STIL: variants seen among roughly 807,000 people sequenced by gnomAD.
The protein encoded by STIL is SCL-interrupting locus protein.
In STIL, 55 loss-of-function variants were observed where a neutral mutation model predicts 110.1. The ratio of observed to expected loss-of-function variants is 0.50; its 90% CI spans 0.40 to 0.63. STIL has a LOEUF of 0.63. Ranked by LOEUF, STIL falls within the 20% of genes least tolerant of loss-of-function variation. The pLI is 0.00. For missense variants in STIL, 1,358 were observed against 1,530.0 expected, an observed-to-expected ratio of 0.89 and a Z score of 1.87; for synonymous variants, 481 against 530.0, an observed-to-expected ratio of 0.91 and a Z score of 1.27.
chr1:47,292,386 T>C (rs1645520262), intron 8 of STIL, among the ~76,000 whole-genome samples: 1 of 152,144 alleles, frequency 6.6e-6, no homozygotes, highest in Admixed American at 6.6e-5. Flanking sequence ...ACATACTCTT[T>C]GGCCTAGAAA....
At chr1:47,285,786 A>G (rs534309300) in intron 10 of STIL, among the ~76,000 whole-genome samples, 1 of 152,106 alleles carries the variant, frequency 6.6e-6, no homozygotes, top group African/African-American at 2.4e-5. Context: ...CACAAAAGGT[A>G]GAATATGCTG....
chr1:47,262,941 G>A lies in STIL; in HGVS notation c.2791C>T (p.Gln931Ter). The A allele has an allele frequency of 6.2e-7, 1 of 1,614,120 alleles. No homozygotes were observed. The highest frequency in any genetic ancestry group is 8.5e-7 in the Non-Finnish European group (1 of 1,180,022). ...TAAATTTTCTGGTTATCTGATGGTTGATGAAGCAAGGGTTGCATTACATGC... is the reference window on the plus strand; with the variant it reads ...TAAATTTTCTGGTTATCTGATGGTTAATGAAGCAAGGGTTGCATTACATGC... ...IEHVMQPLLH[Q>*]PSDNQKIYQD... is the part of the protein sequence containing the mutation. Residue 931 changes from glutamine (Q) to a stop codon, truncating the protein, a stop_gained, in exon 15 of 17, where the codon CAA (glutamine) becomes TAA (stop). Coordinates refer to ENST00000371877, the MANE Select transcript of STIL (RefSeq NM_001048166.1). LOFTEE classifies it high-confidence loss of function.
chr1:47,276,616 T>C (rs1230633383), intron 12 of STIL, among the ~76,000 whole-genome samples: 2 of 151,692 alleles, frequency 1.3e-5, no homozygotes, highest in East Asian at 3.9e-4. Context: ...GAGATCAGCC[T>C]GGCCAACATG....
intron 15 of STIL, among the ~76,000 whole-genome samples, 172 bp downstream of exon 15, chr1:47,262,730 AG>A (rs1557709991): frequency 6.6e-6 from 1 of 152,236 alleles, no homozygotes; most frequent in African/African-American, 2.4e-5. Context: ...ATGGTAAATT[AG>A]TGAATTTAAG....
At chr1:47,294,616 T>C (rs888231299) in intron 7 of STIL, among the ~76,000 whole-genome samples, 9 of 152,146 alleles carry the variant, frequency 5.9e-5, no homozygotes, top group African/African-American at 2.2e-4. Flanking sequence ...ACCCCAGAGA[T>C]TGAGGCTGCA....
chr1:47,306,359 T>C (rs1645962109), intron 2 of STIL, among the ~76,000 whole-genome samples: 1 of 151,628 alleles, frequency 6.6e-6, no homozygotes, highest in South Asian at 2.1e-4. Flanking sequence ...CTTAAACTCC[T>C]GGGCTCAAGG....
In STIL at chr1:47,302,541, A is replaced by C. The variant is rs59933231; in HGVS notation, c.153-195T>G. ...CTAGAATGGCAATAAACAGACACTG[A>C]AACTATAGTTGTTCTCCAGGCATTT... On this transcript the variant is annotated intron_variant, in intron 3 of 16. Transcript: ENST00000371877. 7.2e-5 allele frequency among the ~76,000 whole-genome samples: 11 copies of C among 152,362 alleles called. No homozygotes were observed. In the East Asian group the frequency reaches 1.9e-3, roughly 27 times the overall value.
At chr1:47,294,604 G>T (rs940423892) in intron 7 of STIL, among the ~76,000 whole-genome samples, 1 of 152,200 alleles carries the variant, frequency 6.6e-6, no homozygotes, top group Non-Finnish European at 1.5e-5. Flanking sequence ...AGGATCACCT[G>T]AACCCCAGAG....
Position 47,269,708 on chromosome 1 carries a change from C to A in STIL, c.2542G>T (p.Val848Phe). Residue 848 changes from valine (V) to phenylalanine (F), a missense_variant, in exon 14 of 17, where the codon GTT becomes TTT. Transcript: ENST00000371877. ...CTCTCTTCAAAACTGGGAATATCAA[C>A]TGCTTTTAATGAAGATGCACTACCT... The part of the protein sequence containing the change: ...LPGSASSLKA[V>F]DIPSFEESNI... The A allele has an allele frequency of 1.2e-6, 2 of 1,614,178 alleles. No homozygotes were observed. The highest frequency in any genetic ancestry group is 1.1e-5 in the South Asian group (1 of 91,082).
intron 10 of STIL, chr1:47,284,025 G>A (rs1447710696): frequency 6.6e-6 from 1 of 152,136 alleles, no homozygotes. Context: ...CAGCGTCCGA[G>A]GAGCTCAGAC....
rs1004635364 is a variant in STIL at position 47,262,903 on chromosome 1, C to G, written c.2829G>C (p.Leu943Phe). 17 of 1,613,630 alleles carry G rather than the reference C, an allele frequency of 1.1e-5. No individual in the cohort carries two copies. The highest frequency in any genetic ancestry group is 1.4e-5 in the Non-Finnish European group (17 of 1,179,792). Residue 943 changes from leucine (L) to phenylalanine (F), a missense_variant and splice_region_variant, in exon 15 of 17, where the codon TTG (leucine) becomes TTC (phenylalanine). By Grantham distance (22) the Leu-to-Phe change is conservative. Transcript: ENST00000371877. ...SDNQKIYQDL[L>F]GQVNHLLNSS... ...GATGAAATGCTCTACATTTTCTTAC[C>G]AATAAATCCTGGTAAATTTTCTGGT...
intron 1 of STIL, among the ~76,000 whole-genome samples, chr1:47,310,817 C>A (rs1323137141): frequency 6.6e-6 from 1 of 152,162 alleles, no homozygotes; most frequent in East Asian, 1.9e-4. Flanking sequence ...GTACTGCATG[C>A]ATTCCCACAA....
chr1:47,251,535 C>T lies in STIL; in HGVS notation c.3468G>A (p.Gln1156=), dbSNP rs768722321. 7 of 1,614,064 alleles carry T rather than the reference C, an allele frequency of 4.3e-6. No individual in the cohort carries two copies. In the African/African-American group the frequency reaches 6.7e-5, roughly 15 times the overall value. The part of the protein sequence containing the change: ...ADSKSEYLLN[Q]NLRSIPEQLG... ...GCTGTTCAGGTATGGACCTAAGGTT[C>T]TGATTCAATAAATATTCACTCTTGC... Residue 1156 remains glutamine, a synonymous_variant, in exon 17 of 17, where the codon CAG becomes CAA. Coordinates refer to ENST00000371877, the MANE Select transcript of STIL (RefSeq NM_001048166.1).
At chr1:47,277,401 A>G (rs1270242688) in intron 12 of STIL, among the ~76,000 whole-genome samples, 1 of 152,214 alleles carries the variant, frequency 6.6e-6, no homozygotes, top group Non-Finnish European at 1.5e-5. Context: ...TTCTAATTGC[A>G]ATGGAAATCC....
At chr1:47,265,122 G>T (rs1217865598) in intron 14 of STIL, among the ~76,000 whole-genome samples, 1 of 149,460 alleles carries the variant, frequency 6.7e-6, no homozygotes, top group Non-Finnish European at 1.5e-5. Context: ...TGTAATCCCA[G>T]CTACTTGAGA....
intron 12 of STIL, among the ~76,000 whole-genome samples, chr1:47,279,495 G>T (rs1645088609): frequency 2.0e-5 from 3 of 151,884 alleles, no homozygotes; most frequent in Admixed American, 2.0e-4. Flanking sequence ...TAAACACTGC[G>T]CAAGGATATA....
intron 16 of STIL, among the ~76,000 whole-genome samples, chr1:47,260,032 T>C (rs982110232): frequency 6.6e-6 from 1 of 152,196 alleles, no homozygotes; most frequent in Admixed American, 6.5e-5. Flanking sequence ...CCAGGAGTCA[T>C]CCCACAATAT....
rs570010173 is a variant in STIL at position 47,289,787 on chromosome 1, T to C, written c.873-202A>G. Among the ~76,000 whole-genome samples the C allele has an allele frequency of 7.2e-4, 109 of 152,084 alleles. 1 individual carries two copies. The highest frequency in any genetic ancestry group is 4.8e-3 in the Admixed American group (74 of 15,270). Reference sequence around the variant, plus strand: ...GAGTTTGAGACCAGCCTTGTCAACATAGTGAGACCCTTCCTCTCTACAAAA... The same window carrying C: ...GAGTTTGAGACCAGCCTTGTCAACACAGTGAGACCCTTCCTCTCTACAAAA... On this transcript the variant is annotated intron_variant, in intron 8 of 16. Transcript: ENST00000371877.
intron 15 of STIL, among the ~76,000 whole-genome samples, chr1:47,262,023 A>C (rs528899552): frequency 6.6e-6 from 1 of 152,288 alleles, no homozygotes; most frequent in South Asian, 2.1e-4. Flanking sequence ...ATAATGTTTC[A>C]GTTATAAATT....
Sources: allele counts gnomAD v4.1 joint callset (sites outside exome capture counted in the v4.1 genomes callset), GRCh38; gene constraint gnomAD v4.1.1; transcripts MANE v1.5; gene names NCBI Gene and HGNC (gene_info 2026-07-23, HGNC 2026-07-21).